IMMP2L: variants seen among roughly 807,000 people sequenced by gnomAD.
IMMP2L encodes inner mitochondrial membrane peptidase subunit 2.
A neutral mutation model predicts 19.3 loss-of-function variants in IMMP2L; 18 were observed. The observed-to-expected ratio is 0.93, with a 90% confidence interval of 0.64 to 1.38. The LOEUF (loss-of-function observed/expected upper bound fraction) is 1.38. Among genes scored for constraint, IMMP2L ranks in the 40% most tolerant of loss-of-function variants. IMMP2L has a pLI of 0.00. For missense variants in IMMP2L, 233 were observed against 218.2 expected (o/e 1.07, Z -0.43); for synonymous variants, 76 against 73.0 (o/e 1.04, Z -0.21).
At chr7:111,311,905 C>T (rs1369168689) in intron 3 of IMMP2L, among the ~76,000 whole-genome samples, 2 of 152,114 alleles carry the variant, frequency 1.3e-5, no homozygotes, top group African/African-American at 2.4e-5. Context: ...CTCCAGAATT[C>T]CATCATTCCA....
chr7:110,696,471 G>C (rs1322570356), intron 5 of IMMP2L, among the ~76,000 whole-genome samples: 2 of 132,208 alleles, frequency 1.5e-5, no homozygotes, highest in Non-Finnish European at 3.1e-5. Flanking sequence ...CTGTTGCCCA[G>C]GCTGGAATGT....
chr7:111,410,988 A>G (rs1227034642), intron 3 of IMMP2L, among the ~76,000 whole-genome samples: 3 of 151,096 alleles, frequency 2.0e-5, no homozygotes, highest in Non-Finnish European at 4.4e-5. Flanking sequence ...CATGCCCCCA[A>G]TTTTTCTGAA....
chr7:111,281,245 AAG>A lies in IMMP2L; in HGVS notation c.239+205991_239+205992del, dbSNP rs1218927613. On this transcript the variant is annotated intron_variant, in intron 3 of 5. Transcript: ENST00000405709. ...GAAAGAAAGAAAGAAAGAAAGAAAG[AAG>A]AGAGAGAGAGAAAGAGAGAGAGAAA... Among the ~76,000 whole-genome samples, 62 of 137,118 alleles carry A rather than the reference AAG, an allele frequency of 4.5e-4. 3 individuals carry two copies. Among genetic ancestry groups the A allele is most frequent in the Admixed American group, 8.5e-4 (12 of 14,078 alleles). The allele number at this position is 137,118 out of a possible 152,430, so 90.0% of individuals were successfully genotyped here. A position where few individuals can be genotyped will look rare whatever the true frequency, so the allele number is the denominator to read the frequency against.
At chr7:111,241,860 T>A (rs1314737469) in intron 3 of IMMP2L, among the ~76,000 whole-genome samples, 1 of 151,830 alleles carries the variant, frequency 6.6e-6, no homozygotes, top group African/African-American at 2.4e-5. Flanking sequence ...GAAAAAAAAG[T>A]TTTTACAGTC....
chr7:110,908,381 C>G (rs963294414), intron 4 of IMMP2L, among the ~76,000 whole-genome samples: 3 of 152,112 alleles, frequency 2.0e-5, no homozygotes, highest in Non-Finnish European at 4.4e-5. Context: ...TGCCGGATAA[C>G]TGATTTAGCA....
chr7:111,479,062 T>C (rs557287168), intron 3 of IMMP2L, among the ~76,000 whole-genome samples: 1 of 152,196 alleles, frequency 6.6e-6, no homozygotes, highest in East Asian at 1.9e-4. Context: ...AGAATTCCAA[T>C]GAAAAGCTTA....
intron 3 of IMMP2L, among the ~76,000 whole-genome samples, chr7:111,469,905 A>T (rs1426960367): frequency 6.6e-6 from 1 of 152,188 alleles, no homozygotes; most frequent in Non-Finnish European, 1.5e-5. Context: ...GCTTCTGCAC[A>T]GCAAAAGAAA....
At chr7:110,896,950 C>T (rs766342600) in intron 4 of IMMP2L, among the ~76,000 whole-genome samples, 1 of 152,048 alleles carries the variant, frequency 6.6e-6, no homozygotes, top group Admixed American at 6.6e-5. Flanking sequence ...GTTGCGAGGA[C>T]TGCAGGCATG....
intron 4 of IMMP2L, among the ~76,000 whole-genome samples, chr7:110,898,585 A>T (rs1405552041): frequency 6.6e-6 from 1 of 152,178 alleles, no homozygotes; most frequent in Non-Finnish European, 1.5e-5. Context: ...GCAAAAGAAA[A>T]CACAAAAACA....
chr7:110,818,368 C>T (rs1375796646), intron 5 of IMMP2L, among the ~76,000 whole-genome samples: 1 of 152,148 alleles, frequency 6.6e-6, no homozygotes, highest in Admixed American at 6.5e-5. Flanking sequence ...AAAAAATGCT[C>T]ATCATCACTG....
At chr7:110,909,324 G>C (rs903018545) in intron 4 of IMMP2L, among the ~76,000 whole-genome samples, 1 of 152,118 alleles carries the variant, frequency 6.6e-6, no homozygotes, top group African/African-American at 2.4e-5. Flanking sequence ...AGTCAAGATA[G>C]TTCAAACAAT....
intron 4 of IMMP2L, among the ~76,000 whole-genome samples, chr7:110,887,340 T>C (rs972907574): frequency 1.3e-5 from 2 of 152,116 alleles, no homozygotes; most frequent in African/African-American, 2.4e-5. Context: ...CAAAACATTC[T>C]ATATTAATGT....
At chr7:111,082,506 G>C (rs1468598459) in intron 3 of IMMP2L, among the ~76,000 whole-genome samples, 2 of 152,126 alleles carry the variant, frequency 1.3e-5, no homozygotes, top group African/African-American at 4.8e-5. Context: ...CAATCCTCAT[G>C]GTTTGAGCAC....
chr7:111,436,821 T>A (rs547284838), intron 3 of IMMP2L, among the ~76,000 whole-genome samples: 2 of 151,954 alleles, frequency 1.3e-5, no homozygotes, highest in South Asian at 4.1e-4. Flanking sequence ...ATTGCTAGCA[T>A]CTGCTCCTGG....
intron 2 of IMMP2L, among the ~76,000 whole-genome samples, chr7:111,490,991 C>G (rs1039469942): frequency 1.3e-5 from 2 of 151,942 alleles, no homozygotes; most frequent in African/African-American, 4.8e-5. Flanking sequence ...GCTTCCCTTT[C>G]CCACCTCTTC....
intron 3 of IMMP2L, among the ~76,000 whole-genome samples, chr7:111,290,886 C>G (rs1443590913): frequency 6.6e-6 from 1 of 151,420 alleles, no homozygotes; most frequent in Non-Finnish European, 1.5e-5. Flanking sequence ...TTCTATCCAC[C>G]TCCCAACTAG....
At chr7:111,020,566 A>G (rs1826179210) in intron 3 of IMMP2L, among the ~76,000 whole-genome samples, 1 of 152,184 alleles carries the variant, frequency 6.6e-6, no homozygotes, top group South Asian at 2.1e-4. Flanking sequence ...GTTCAAGACC[A>G]GCCTGGGCAA....
chr7:110,980,787 A>G (rs17837487), intron 3 of IMMP2L, among the ~76,000 whole-genome samples: 4,426 of 152,320 alleles, frequency 0.029, 215 homozygotes, highest in African/African-American at 0.1. Flanking sequence ...AGTTTGAAAC[A>G]CCATATTAAC....
At chr7:110,750,917 G>A (rs1187983703) in intron 5 of IMMP2L, among the ~76,000 whole-genome samples, 1 of 152,020 alleles carries the variant, frequency 6.6e-6, no homozygotes, top group African/African-American at 2.4e-5. Context: ...AATCCATGAT[G>A]AACAAAATAT....
Sources: allele counts gnomAD v4.1 joint callset (sites outside exome capture counted in the v4.1 genomes callset), GRCh38; gene constraint gnomAD v4.1.1; transcripts MANE v1.5; gene names NCBI Gene and HGNC (gene_info 2026-07-23, HGNC 2026-07-21).